SEMA3A: variants seen among roughly 807,000 people sequenced by gnomAD.
SEMA3A encodes semaphorin-3A.
In SEMA3A, 29 loss-of-function variants were observed where a neutral mutation model predicts 97.9. The ratio of observed to expected loss-of-function variants is 0.30; its 90% CI spans 0.22 to 0.40. SEMA3A has a LOEUF of 0.40. SEMA3A is among the 10% of genes least tolerant of loss of function. The pLI, the probability that SEMA3A is intolerant of heterozygous loss-of-function variation, is 1.00. For missense variants in SEMA3A, 763 were observed against 951.3 expected (o/e 0.80, Z 2.60); for synonymous variants, 321 against 323.7 (o/e 0.99, Z 0.09).
intron 9 of SEMA3A, among the ~76,000 whole-genome samples, chr7:84,008,446 G>A (rs895126419): frequency 4.1e-5 from 6 of 145,426 alleles, no homozygotes; most frequent in South Asian, 2.1e-4. Flanking sequence ...AGCCTAGATC[G>A]TGCCACTGCA....
rs141423527 is a variant in SEMA3A, at chr7:83,985,485, AG to A, written c.1453-9del. 0.15 allele frequency: 239,290 copies of A among 1,605,600 alleles called. 19,868 individuals carry two copies. The highest frequency in any genetic ancestry group is 0.17 in the Non-Finnish European group (200,134 of 1,173,146). On this transcript the variant is annotated splice_polypyrimidine_tract_variant and intron_variant, in intron 12 of 16. Coordinates refer to ENST00000265362, the MANE Select transcript of SEMA3A (RefSeq NM_006080.3). Reference sequence around the variant, plus strand: ...TGAAATAGCAGTCGGTTCCTAAAGGAGAAAAAGAAATATGTGAGGTGTTTGG... The same window carrying A: ...TGAAATAGCAGTCGGTTCCTAAAGGAAAAAAGAAATATGTGAGGTGTTTGG...
intron 2 of SEMA3A, among the ~76,000 whole-genome samples, chr7:84,318,020 C>A (rs1276942068): frequency 6.6e-6 from 1 of 151,970 alleles, no homozygotes; most frequent in Non-Finnish European, 1.5e-5. Flanking sequence ...TAGGTCATAT[C>A]CAGGCCTCCA....
intron 3 of SEMA3A, among the ~76,000 whole-genome samples, chr7:84,209,238 T>C (rs1798567997): frequency 6.6e-6 from 1 of 152,202 alleles, no homozygotes; most frequent in East Asian, 1.9e-4. Flanking sequence ...TTTATATTAC[T>C]CAGTGATCCA....
At chr7:84,361,872 C>T (rs149545230) in intron 2 of SEMA3A, among the ~76,000 whole-genome samples, 5 of 151,978 alleles carry the variant, frequency 3.3e-5, no homozygotes, top group South Asian at 2.1e-4. Flanking sequence ...GTAAAGGATC[C>T]GAGAAGAGAG....
chr7:83,978,541 T>C (rs1789264835), intron 14 of SEMA3A, among the ~76,000 whole-genome samples: 1 of 152,158 alleles, frequency 6.6e-6, no homozygotes, highest in Admixed American at 6.5e-5. Flanking sequence ...TAATGGGTAT[T>C]GTCTTGCTGC....
At chr7:84,476,603 TA>T (rs1218146862) in intron 1 of SEMA3A, among the ~76,000 whole-genome samples, 1 of 152,106 alleles carries the variant, frequency 6.6e-6, no homozygotes, top group Non-Finnish European at 1.5e-5. Context: ...CATTTGTAAA[TA>T]CTGAATGTAT....
chr7:84,136,075 A>C (rs1177788496), intron 1 of SEMA3A, among the ~76,000 whole-genome samples: 1 of 152,000 alleles, frequency 6.6e-6, no homozygotes, highest in African/African-American at 2.4e-5. Context: ...ACACACACAC[A>C]CCCCACCCCC....
intron 2 of SEMA3A, among the ~76,000 whole-genome samples, chr7:84,332,264 GAA>G (rs1386411008): frequency 1.3e-5 from 2 of 151,746 alleles, no homozygotes; most frequent in Non-Finnish European, 2.9e-5. Flanking sequence ...CTCATTTCCA[GAA>G]AAAAATAACA....
intron 5 of SEMA3A, among the ~76,000 whole-genome samples, chr7:84,059,610 G>T (rs1793134936): frequency 6.6e-6 from 1 of 151,694 alleles, no homozygotes; most frequent in Admixed American, 6.6e-5. Context: ...GTTTCATTTT[G>T]TTGTGCTATT....
rs1405370618 is a variant in SEMA3A at position 83,958,427 on chromosome 7, C to T, written c.*2944G>A. ...AGCAGTTTCATTACATTTTTCTCTCCAGTTTTTCTAGTTCCCATCTGAAAT... is the reference window on the plus strand; with the variant it reads ...AGCAGTTTCATTACATTTTTCTCTCTAGTTTTTCTAGTTCCCATCTGAAAT... On this transcript the variant is annotated 3_prime_UTR_variant, in exon 17 of 17. Coordinates refer to ENST00000265362, the MANE Select transcript of SEMA3A (RefSeq NM_006080.3). 1 of 152,424 alleles carries T rather than the reference C, an allele frequency of 6.6e-6. No homozygotes were observed. Among genetic ancestry groups the T allele is most frequent in the Non-Finnish European group, 1.5e-5 (1 of 67,926 alleles). 9.4% of individuals were successfully genotyped at this position (152,424 alleles called of 1,614,324 possible).
At chr7:84,187,874 C>T (rs1348943451) in intron 1 of SEMA3A, among the ~76,000 whole-genome samples, 2 of 152,046 alleles carry the variant, frequency 1.3e-5, no homozygotes, top group Non-Finnish European at 2.9e-5. Context: ...ACATACCCAG[C>T]CTTTAGAAAC....
intron 3 of SEMA3A, among the ~76,000 whole-genome samples, chr7:84,236,878 G>A (rs1169704290): frequency 6.6e-6 from 1 of 151,962 alleles, no homozygotes; most frequent in Non-Finnish European, 1.5e-5. Context: ...CTTCATGATT[G>A]TGAATACCCT....
chr7:84,276,203 G>A (rs1342710237), intron 3 of SEMA3A, among the ~76,000 whole-genome samples: 1 of 151,952 alleles, frequency 6.6e-6, no homozygotes, highest in Non-Finnish European at 1.5e-5. Context: ...AAACTAGTAG[G>A]CACTGTATGC....
intron 5 of SEMA3A, among the ~76,000 whole-genome samples, chr7:84,057,834 G>T (rs1216046497): frequency 6.6e-6 from 1 of 151,990 alleles, no homozygotes; most frequent in Non-Finnish European, 1.5e-5. Flanking sequence ...CACTTTTAAA[G>T]GAGATTGCAA....
chr7:83,961,813 T>A lies in SEMA3A; in HGVS notation c.1874A>T (p.Asp625Val), dbSNP rs1407309960. The A allele has an allele frequency of 1.2e-6, 2 of 1,613,050 alleles. No homozygotes were observed. Among genetic ancestry groups the A allele is most frequent in the East Asian group, 4.5e-5 (2 of 44,880 alleles). The change falls in exon 17 of 17, where the codon GAT becomes GTT. Residue 625 changes from aspartate (D) to valine (V), a missense_variant. Coordinates refer to ENST00000265362, the MANE Select transcript of SEMA3A (RefSeq NM_006080.3). ...EERKEEIRVDDHIIRTDQGLL... is the reference protein window; with the variant it reads ...EERKEEIRVDVHIIRTDQGLL... ...GCCTTGATCTGTCCTGATGATATGA[T>A]CATCCACTCTGATCTAGCAGGTTAA...
rs527979480 is a variant in SEMA3A at position 84,439,674 on chromosome 7, A to T, written c.-246+52786T>A. Among the ~76,000 whole-genome samples the T allele has an allele frequency of 3.3e-5, 5 of 152,338 alleles. No homozygotes were observed. In the East Asian group the frequency reaches 9.6e-4, roughly 29 times the overall value. On this transcript the variant is annotated intron_variant, in intron 1 of 3. Transcript: ENST00000424555. Reference sequence around the variant, plus strand: ...AAGGCTATAAAAAGCTTGCTTAAGGAATTATTCACTGTTAGAAAGTGGAAA... The same window carrying T: ...AAGGCTATAAAAAGCTTGCTTAAGGTATTATTCACTGTTAGAAAGTGGAAA...
intron 7 of SEMA3A, among the ~76,000 whole-genome samples, chr7:84,012,305 A>G (rs1167472522): frequency 7.5e-6 from 1 of 133,568 alleles, no homozygotes; most frequent in East Asian, 2.1e-4. Flanking sequence ...ATTTTAAAAC[A>G]TCATGTTGCA....
chr7:84,272,969 A>G (rs1800190233), intron 3 of SEMA3A, among the ~76,000 whole-genome samples: 1 of 152,094 alleles, frequency 6.6e-6, no homozygotes, highest in African/African-American at 2.4e-5. Flanking sequence ...ATCTTCTTTT[A>G]AAAATCTGCA....
intron 10 of SEMA3A, 117 bp from the exon 11 acceptor site, chr7:84,005,675 T>C (rs1790637991): frequency 1.4e-6 from 1 of 705,934 alleles, no homozygotes; most frequent in South Asian, 2.1e-5. Context: ...AGGCCAGGTA[T>C]GGTAGCTCAC....
Sources: gnomAD v4.1 joint callset for allele counts (sites outside exome capture counted in the v4.1 genomes callset) on GRCh38, gnomAD v4.1.1 for gene constraint, MANE v1.5 for transcripts, NCBI Gene and HGNC (gene_info 2026-07-23, HGNC 2026-07-21) for gene names.